The following SLC14A2 variants were observed in gnomAD, a reference collection of about 807,000 sequenced individuals.
SLC14A2 encodes solute carrier family 14 member 2, also known as urea transporter 2.
A neutral mutation model predicts 104.6 loss-of-function variants in SLC14A2; 91 were observed. That is an observed-to-expected ratio of 0.87 (90% CI 0.73 to 1.04). The LOEUF is 1.04. SLC14A2 is among the 50% of genes least tolerant of loss of function. SLC14A2 has a pLI of 0.00. For missense variants in SLC14A2, 1,189 were observed against 1,156.0 expected, an observed-to-expected ratio of 1.03 and a Z score of -0.41; for synonymous variants, 476 against 466.4, an observed-to-expected ratio of 1.02 and a Z score of -0.27.
intron 2 of SLC14A2, among the ~76,000 whole-genome samples, chr18:45,592,294 T>C (rs922030107): frequency 9.2e-5 from 14 of 152,306 alleles, no homozygotes; most frequent in African/African-American, 3.1e-4. Flanking sequence ...CCCCAATCTA[T>C]GAGTCTATAG....
At chr18:45,219,498 AGAG>A (rs147530049) in intron 1 of SLC14A2, among the ~76,000 whole-genome samples, 17,129 of 152,166 alleles carry the variant, frequency 0.11, 968 homozygotes, top group Non-Finnish European at 0.12. Flanking sequence ...CTAGAGAGTA[AGAG>A]GAGGTGAAAG....
intron 1 of SLC14A2, among the ~76,000 whole-genome samples, chr18:45,477,074 G>A (rs1332633540): frequency 6.6e-6 from 1 of 152,148 alleles, no homozygotes; most frequent in Non-Finnish European, 1.5e-5. Flanking sequence ...GGTTTTTGGA[G>A]TTTTCAGCCT....
chr18:45,447,585 A>G (rs1192571049), intron 1 of SLC14A2: 1 of 152,194 alleles, frequency 6.6e-6, no homozygotes, highest in Non-Finnish European at 1.5e-5. Context: ...TTATACATTA[A>G]CTGGTCACTT....
At chr18:45,605,081 T>C (rs952502394) in intron 2 of SLC14A2, among the ~76,000 whole-genome samples, 6 of 152,078 alleles carry the variant, frequency 3.9e-5, no homozygotes, top group Non-Finnish European at 5.9e-5. Flanking sequence ...TGATAACCAA[T>C]AGGAAGCACT....
intron 2 of SLC14A2, among the ~76,000 whole-genome samples, chr18:45,591,163 C>T (rs1427407369): frequency 6.6e-6 from 1 of 152,166 alleles, no homozygotes; most frequent in Non-Finnish European, 1.5e-5. Flanking sequence ...CCTACCCTCT[C>T]CTTACTCTTC....
chr18:45,387,716 C>G (rs548284118), intron 1 of SLC14A2, among the ~76,000 whole-genome samples: 6 of 152,178 alleles, frequency 3.9e-5, no homozygotes, highest in Non-Finnish European at 5.9e-5. Flanking sequence ...ATGTCCACAT[C>G]ATGTCTCTTC....
chr18:45,504,463 G>C (rs2043251170), intron 2 of SLC14A2, among the ~76,000 whole-genome samples: 1 of 152,206 alleles, frequency 6.6e-6, no homozygotes, highest in South Asian at 2.1e-4. Context: ...TAGCCATACT[G>C]TGGGTTTGTC....
rs1016428717 is a variant in SLC14A2, at chr18:45,544,857, A to G, written c.-35+61535A>G. On this transcript the variant is annotated intron_variant, in intron 2 of 20. Coordinates refer to the SLC14A2 transcript ENST00000586448. Reference sequence around the variant, plus strand: ...GCCCAGGCTGGAGTGCAGTGGCACAATCGCGGCTCACTGCAACCTCCGCCC... The same window carrying G: ...GCCCAGGCTGGAGTGCAGTGGCACAGTCGCGGCTCACTGCAACCTCCGCCC... Among the ~76,000 whole-genome samples the G allele has an allele frequency of 9.6e-5, 14 of 145,674 alleles. No homozygotes were observed. The Admixed American group carries it at 1.0e-3, about 10-fold the overall frequency.
At chr18:45,606,828 A>T (rs1478944105) in intron 2 of SLC14A2, among the ~76,000 whole-genome samples, 1 of 151,798 alleles carries the variant, frequency 6.6e-6, no homozygotes, top group East Asian at 1.9e-4. Flanking sequence ...CCTCTTGGGT[A>T]TAGTAAGGTA....
At chr18:45,309,392 A>G (rs1353005174) in intron 1 of SLC14A2, among the ~76,000 whole-genome samples, 2 of 150,968 alleles carry the variant, frequency 1.3e-5, no homozygotes, top group Non-Finnish European at 2.9e-5. Context: ...TGGTGCAATC[A>G]TAGCCAACTA....
chr18:45,185,861 A>G, the SLC14A2 span, among the ~76,000 whole-genome samples: 1 of 152,168 alleles, frequency 6.6e-6, no homozygotes, highest in Non-Finnish European at 1.5e-5. Flanking sequence ...CATAAACTAA[A>G]TTTTTTTAAA....
chr18:45,391,472 C>T, intron 1 of SLC14A2, among the ~76,000 whole-genome samples: 1 of 152,176 alleles, frequency 6.6e-6, no homozygotes, highest in Non-Finnish European at 1.5e-5. Flanking sequence ...AATGGTATTT[C>T]TAGTTCTAGA....
chr18:45,613,016 T>C (rs1661374341), upstream of SLC14A2, among the ~76,000 whole-genome samples: 1 of 126,750 alleles, frequency 7.9e-6, no homozygotes, highest in Non-Finnish European at 1.6e-5. Flanking sequence ...CTTTATAAAT[T>C]ACCCAGTCTT....
intron 2 of SLC14A2, among the ~76,000 whole-genome samples, chr18:45,536,231 G>T (rs1340089718): frequency 6.6e-6 from 1 of 152,190 alleles, no homozygotes; most frequent in Non-Finnish European, 1.5e-5. Flanking sequence ...AGACAAGAGT[G>T]GGGTGGGCTT....
At chr18:45,268,099 C>T (rs960581776) in intron 1 of SLC14A2, among the ~76,000 whole-genome samples, 2 of 152,128 alleles carry the variant, frequency 1.3e-5, no homozygotes, top group South Asian at 2.1e-4. Flanking sequence ...CATGTCCACC[C>T]TCTCCCTTGC....
At chr18:45,444,022 A>G (rs929029497) in intron 1 of SLC14A2, among the ~76,000 whole-genome samples, 1 of 152,192 alleles carries the variant, frequency 6.6e-6, no homozygotes, top group Admixed American at 6.5e-5. Flanking sequence ...AGTAAAGAGG[A>G]CAAGGGAGAA....
intron 2 of SLC14A2, among the ~76,000 whole-genome samples, chr18:45,496,825 TGGC>T (rs2043106712): frequency 6.6e-6 from 1 of 152,176 alleles, no homozygotes; most frequent in Non-Finnish European, 1.5e-5. Flanking sequence ...CTGGGCCTTC[TGGC>T]TGCCTTCTTT....
chr18:45,443,124 A>C (rs1041660135), intron 1 of SLC14A2, among the ~76,000 whole-genome samples: 8 of 152,218 alleles, frequency 5.3e-5, no homozygotes, highest in African/African-American at 1.9e-4. Context: ...CCAGTATATT[A>C]GTTGGCAGTG....
intron 2 of SLC14A2, among the ~76,000 whole-genome samples, chr18:45,523,317 T>G (rs546835307): frequency 6.8e-6 from 1 of 147,388 alleles, no homozygotes; most frequent in East Asian, 2.0e-4. Context: ...CATCACCAGG[T>G]TTTTTTTTTG....
Sources: allele counts gnomAD v4.1 joint callset (sites outside exome capture counted in the v4.1 genomes callset), GRCh38; gene constraint gnomAD v4.1.1; transcripts MANE v1.5; gene names NCBI Gene and HGNC (gene_info 2026-07-23, HGNC 2026-07-21).